EHBP1: variants seen among roughly 807,000 people sequenced by gnomAD.
EHBP1 encodes EH domain binding protein 1.
Under a neutral mutation model 144.0 loss-of-function variants are expected in EHBP1, and 55 were observed. The ratio of observed to expected loss-of-function variants is 0.38; its 90% CI spans 0.31 to 0.48. The LOEUF (loss-of-function observed/expected upper bound fraction) is 0.48. Ranked by LOEUF, EHBP1 falls within the 20% of genes least tolerant of loss-of-function variation. The pLI is 0.98. For missense variants in EHBP1, 1,200 were observed against 1,364.2 expected (o/e 0.88, Z 1.90); for synonymous variants, 469 against 472.7 (o/e 0.99, Z 0.10).
chr2:62,940,840 C>G (rs1183600837), intron 10 of EHBP1, among the ~76,000 whole-genome samples: 2 of 152,056 alleles, frequency 1.3e-5, no homozygotes, highest in Non-Finnish European at 2.9e-5. Context: ...GTTCTTCTAG[C>G]CTTTTCATAT....
intron 7 of EHBP1, among the ~76,000 whole-genome samples, chr2:62,845,464 A>G (rs186823548): frequency 4.7e-4 from 72 of 152,298 alleles, no homozygotes; most frequent in African/African-American, 1.6e-3. Flanking sequence ...CATATTAAGG[A>G]GCTAGAGTTG....
chr2:62,811,783 A>G (rs556475385), intron 5 of EHBP1, among the ~76,000 whole-genome samples: 27 of 152,208 alleles, frequency 1.8e-4, no homozygotes, highest in Non-Finnish European at 3.5e-4. Context: ...GAGAAAGTGG[A>G]TATTTACAAA....
chr2:62,709,939 C>T (rs932111560), intron 2 of EHBP1, among the ~76,000 whole-genome samples: 2 of 152,018 alleles, frequency 1.3e-5, no homozygotes, highest in African/African-American at 4.8e-5. Flanking sequence ...CATCATCATT[C>T]CTTGATTGCC....
intron 7 of EHBP1, chr2:62,858,551 T>TTAAA (rs1471860494): frequency 7.5e-7 from 1 of 1,325,036 alleles, no homozygotes; most frequent in South Asian, 1.2e-5. Context: ...TCTGATTGCC[T>TTAAA]GTATTTACTG....
chr2:62,696,823 T>C (rs1429920082), intron 1 of EHBP1, among the ~76,000 whole-genome samples: 1 of 152,162 alleles, frequency 6.6e-6, no homozygotes, highest in Non-Finnish European at 1.5e-5. Flanking sequence ...GACCTTTTTT[T>C]CTTTTTTAAC....
chr2:62,968,999 T>G (rs1373762340), intron 14 of EHBP1, among the ~76,000 whole-genome samples: 1 of 152,224 alleles, frequency 6.6e-6, no homozygotes, highest in Admixed American at 6.5e-5. Context: ...GATACTTACT[T>G]AGTCAGCCAT....
intron 2 of EHBP1, among the ~76,000 whole-genome samples, chr2:62,742,228 C>G (rs938918153): frequency 6.6e-6 from 1 of 152,028 alleles, no homozygotes; most frequent in African/African-American, 2.4e-5. Flanking sequence ...CTCTATCTAT[C>G]GTTAAGCAGA....
intron 12 of EHBP1, among the ~76,000 whole-genome samples, chr2:62,944,134 T>C (rs576891368): frequency 6.6e-6 from 1 of 152,360 alleles, no homozygotes; most frequent in East Asian, 1.9e-4. Flanking sequence ...ATTTAGCTTT[T>C]TAAAAATGCA....
intron 10 of EHBP1, among the ~76,000 whole-genome samples, chr2:62,928,149 C>G (rs548334833): frequency 5.9e-5 from 9 of 152,290 alleles, no homozygotes; most frequent in African/African-American, 2.2e-4. Context: ...AAAGGGAACA[C>G]CCCTGTGGTT....
chr2:62,957,502 G>A (rs1368527971), intron 14 of EHBP1, among the ~76,000 whole-genome samples: 2 of 151,420 alleles, frequency 1.3e-5, no homozygotes, highest in East Asian at 3.9e-4. Context: ...CTAAGACAAG[G>A]AAAAGAAATA....
chr2:62,678,773 A>G (rs762143297), intron 1 of EHBP1, among the ~76,000 whole-genome samples: 19 of 152,302 alleles, frequency 1.2e-4, no homozygotes, highest in South Asian at 4.1e-4. Context: ...ATATCTATTG[A>G]CCTTTGTCCT....
chr2:62,722,358 C>T lies in EHBP1; in HGVS notation c.104+15063C>T, dbSNP rs181358007. ...GTGTTAGCCAGGTTGGTCTCGATCT[C>T]GTGATCCACCTGCCTTGGCCTCCCA... On this transcript the variant is annotated intron_variant, in intron 2 of 22. Coordinates refer to ENST00000431489, the MANE Select transcript of EHBP1 (RefSeq NM_001142616.3). Among the ~76,000 whole-genome samples the T allele has an allele frequency of 1.1e-4, 16 of 151,852 alleles. No homozygotes were observed. In the East Asian group the frequency reaches 2.3e-3, roughly 22 times the overall value.
At chr2:62,849,370 G>A (rs2048520385) in intron 7 of EHBP1, among the ~76,000 whole-genome samples, 1 of 152,068 alleles carries the variant, frequency 6.6e-6, no homozygotes, top group South Asian at 2.1e-4. Flanking sequence ...TCAAACGTGA[G>A]TAAAGCCATT....
At chr2:63,037,747 G>C (rs1193934201) in intron 20 of EHBP1, 113 bp downstream of exon 20, 3 of 602,252 alleles carry the variant, frequency 5.0e-6, no homozygotes, top group Non-Finnish European at 8.5e-6. Context: ...TTTCCTTAGC[G>C]ATTACATGTT....
At position 62,849,652 on chromosome 2, in the gene EHBP1, ATCC is replaced by A. The variant is rs1219559911; in HGVS notation, c.635-9512_635-9510del. ...AATGTAAAAATAAAGAATATTTTAT[ATCC>A]TCCTGCCTTTATAAGATGATGCAAA... On this transcript the variant is annotated intron_variant, in intron 7 of 22. Coordinates refer to ENST00000431489, the MANE Select transcript of EHBP1 (RefSeq NM_001142616.3). 2.6e-5 allele frequency among the ~76,000 whole-genome samples: 4 copies of A among 152,352 alleles called. No homozygotes were observed. In the East Asian group the frequency reaches 5.8e-4, roughly 22 times the overall value.
chr2:62,899,483 A>G (rs1192987457), intron 10 of EHBP1, among the ~76,000 whole-genome samples: 2 of 152,112 alleles, frequency 1.3e-5, no homozygotes, highest in African/African-American at 4.8e-5. Context: ...ATAGGCTCTC[A>G]CTCAGGGATA....
intron 10 of EHBP1, among the ~76,000 whole-genome samples, chr2:62,886,408 A>ATCTT (rs1438112037): frequency 6.6e-6 from 1 of 152,192 alleles, no homozygotes; most frequent in Admixed American, 6.5e-5. Flanking sequence ...ACAAAAGGTA[A>ATCTT]TCTTACTTTA....
chr2:62,779,451 T>G (rs2042273057), intron 5 of EHBP1, among the ~76,000 whole-genome samples: 1 of 152,222 alleles, frequency 6.6e-6, no homozygotes, highest in Non-Finnish European at 1.5e-5. Context: ...GACTGCAGTT[T>G]CGTCAAGGAA....
chr2:62,808,759 G>C (rs2044709358), intron 5 of EHBP1, among the ~76,000 whole-genome samples: 1 of 152,174 alleles, frequency 6.6e-6, no homozygotes, highest in Non-Finnish European at 1.5e-5. Flanking sequence ...TGATGGTAAG[G>C]TGTGGAGGAG....
Sources: allele counts gnomAD v4.1 joint callset (sites outside exome capture counted in the v4.1 genomes callset), GRCh38; gene constraint gnomAD v4.1.1; transcripts MANE v1.5; gene names NCBI Gene and HGNC (gene_info 2026-07-23, HGNC 2026-07-21).